RBFOX1: variants seen among roughly 807,000 people sequenced by gnomAD.
RBFOX1 encodes RNA binding fox-1 homolog 1.
Under a neutral mutation model 57.7 loss-of-function variants are expected in RBFOX1, and 8 were observed. That is an observed-to-expected ratio of 0.14 (90% CI 0.08 to 0.25). The LOEUF (loss-of-function observed/expected upper bound fraction) is 0.25. RBFOX1 is among the 10% of genes least tolerant of loss of function. RBFOX1 has a pLI of 1.00. For missense variants in RBFOX1, 611 were observed against 548.5 expected (o/e 1.11, Z -1.14); for synonymous variants, 326 against 222.4 (o/e 1.47, Z -4.15).
intron 3 of RBFOX1, among the ~76,000 whole-genome samples, chr16:5,785,340 C>T (rs765506656): frequency 4.6e-5 from 7 of 152,102 alleles, no homozygotes; most frequent in East Asian, 1.9e-4. Context: ...TGGCTCAAAA[C>T]TATCCAATTC....
chr16:5,726,829 G>C (rs1300356031), intron 3 of RBFOX1, among the ~76,000 whole-genome samples: 3 of 152,114 alleles, frequency 2.0e-5, no homozygotes, highest in African/African-American at 7.2e-5. Flanking sequence ...ATCTTCTCCT[G>C]TCAGCTTGGT....
At chr16:5,869,501 A>G (rs1271586483) in intron 4 of RBFOX1, among the ~76,000 whole-genome samples, 1 of 152,118 alleles carries the variant, frequency 6.6e-6, no homozygotes, top group African/African-American at 2.4e-5. Flanking sequence ...TCCCAGGTTC[A>G]AGTGATTCTC....
intron 2 of RBFOX1, among the ~76,000 whole-genome samples, chr16:6,546,765 C>A (rs1412179437): frequency 6.6e-6 from 1 of 152,138 alleles, no homozygotes; most frequent in African/African-American, 2.4e-5. Flanking sequence ...TGATTTAACC[C>A]CTAGCGGATA....
rs149993374 is a variant in RBFOX1 at position 5,399,704 on chromosome 16, C to G, written c.220-67512C>G. 2.2e-3 allele frequency among the ~76,000 whole-genome samples: 327 copies of G among 151,834 alleles called. 1 individual carries two copies. The highest frequency in any genetic ancestry group is 7.5e-3 in the African/African-American group (312 of 41,378). ...TGACCCATGCTTGCATCACTGCTCT[C>G]CAGCCTGGGTGACAGTGAGACCCTG... On this transcript the variant is annotated intron_variant, in intron 1 of 2. Coordinates refer to the RBFOX1 transcript ENST00000585867.
chr16:7,345,301 G>A (rs1180419749), intron 4 of RBFOX1, among the ~76,000 whole-genome samples: 3 of 152,154 alleles, frequency 2.0e-5, no homozygotes, highest in Admixed American at 1.3e-4. Flanking sequence ...TTGGCGAGCA[G>A]TGTAAACACT....
intron 2 of RBFOX1, among the ~76,000 whole-genome samples, chr16:5,525,244 A>G (rs1259231561): frequency 6.6e-6 from 1 of 152,104 alleles, no homozygotes; most frequent in Non-Finnish European, 1.5e-5. Flanking sequence ...TGGTCTGATC[A>G]CTGTTCCTCA....
chr16:6,964,649 C>T (rs189897211), intron 3 of RBFOX1, among the ~76,000 whole-genome samples: 1 of 152,152 alleles, frequency 6.6e-6, no homozygotes, highest in Non-Finnish European at 1.5e-5. Context: ...AATAAAAATA[C>T]ATTTTGACAA....
intron 1 of RBFOX1, among the ~76,000 whole-genome samples, chr16:6,309,923 G>C (rs2080032844): frequency 6.6e-6 from 1 of 152,238 alleles, no homozygotes; most frequent in African/African-American, 2.4e-5. Flanking sequence ...TTGAGACAGA[G>C]TCTCGCTGTG....
chr16:5,877,444 C>T (rs1446469810), intron 4 of RBFOX1, among the ~76,000 whole-genome samples: 1 of 152,236 alleles, frequency 6.6e-6, no homozygotes, highest in East Asian at 1.9e-4. Flanking sequence ...CTAGAGGGGG[C>T]TGTTTAGCTC....
intron 3 of RBFOX1, among the ~76,000 whole-genome samples, chr16:6,918,169 C>G (rs1051943110): frequency 2.0e-5 from 3 of 151,904 alleles, no homozygotes; most frequent in South Asian, 2.1e-4. Context: ...GTAGTCCCAG[C>G]TACTAGAGAA....
intron 1 of RBFOX1, among the ~76,000 whole-genome samples, chr16:6,203,375 T>G (rs988497914): frequency 1.3e-5 from 2 of 152,166 alleles, no homozygotes; most frequent in African/African-American, 4.8e-5. Context: ...GCTTATTTCA[T>G]TCAGCATTAT....
rs114421183 is a variant in RBFOX1 at position 7,555,095 on chromosome 16, G to A, written c.271-24682G>A. Among the ~76,000 whole-genome samples the A allele has an allele frequency of 6.6e-3, 1,008 of 151,930 alleles. 9 individuals are homozygous for A. Among genetic ancestry groups the A allele is most frequent in the African/African-American group, 0.023 (956 of 41,456 alleles). On this transcript the variant is annotated intron_variant, in intron 5 of 15. Coordinates refer to ENST00000550418, the MANE Select transcript of RBFOX1 (RefSeq NM_018723.4). ...TTTGCTATTGTTGTGAGTAGGGTAA[G>A]GGGGGGTTTTTAGTAGAAGCCCATT...
At chr16:7,416,964 A>G (rs2098484013) in intron 4 of RBFOX1, among the ~76,000 whole-genome samples, 1 of 152,188 alleles carries the variant, frequency 6.6e-6, no homozygotes, top group Non-Finnish European at 1.5e-5. Flanking sequence ...AAGAACTCAT[A>G]GCTGGCAGGT....
At chr16:5,734,902 A>T (rs2052516747) in intron 3 of RBFOX1, among the ~76,000 whole-genome samples, 1 of 152,188 alleles carries the variant, frequency 6.6e-6, no homozygotes, top group Non-Finnish European at 1.5e-5. Flanking sequence ...AGTGACTGTG[A>T]TGATTTTAAA....
chr16:5,371,801 G>A (rs547296106), intron 1 of RBFOX1, among the ~76,000 whole-genome samples: 22 of 152,300 alleles, frequency 1.4e-4, no homozygotes, highest in African/African-American at 5.1e-4. Context: ...GCCCTGGGCT[G>A]CAGATACCCA....
intron 1 of RBFOX1, among the ~76,000 whole-genome samples, chr16:6,213,247 G>A (rs1052132361): frequency 3.3e-5 from 5 of 151,850 alleles, no homozygotes; most frequent in African/African-American, 7.3e-5. Flanking sequence ...TTTCTTGAAC[G>A]CTTAATTATT....
At chr16:5,760,360 T>TCACACACA (rs61662533) in intron 3 of RBFOX1, among the ~76,000 whole-genome samples, 8 of 150,746 alleles carry the variant, frequency 5.3e-5, no homozygotes, top group African/African-American at 2.0e-4. Flanking sequence ...CTCAGCAATT[T>TCACACACA]CACACACACA....
At chr16:6,857,143 G>A (rs2058059809) in intron 3 of RBFOX1, among the ~76,000 whole-genome samples, 1 of 152,082 alleles carries the variant, frequency 6.6e-6, no homozygotes, top group East Asian at 1.9e-4. Flanking sequence ...TTTTTTGTGT[G>A]GTCAAGAATT....
At chr16:6,669,691 C>T (rs941132675) in intron 3 of RBFOX1, among the ~76,000 whole-genome samples, 1 of 152,136 alleles carries the variant, frequency 6.6e-6, no homozygotes, top group African/African-American at 2.4e-5. Context: ...AAGATCTACC[C>T]TCTTAGCAAA....
Sources: allele counts gnomAD v4.1 joint callset (sites outside exome capture counted in the v4.1 genomes callset), GRCh38; gene constraint gnomAD v4.1.1; transcripts MANE v1.5; gene names NCBI Gene and HGNC (gene_info 2026-07-23, HGNC 2026-07-21).